Variants in KCNQ4 observed in about 807,000 individuals in gnomAD.
The protein encoded by KCNQ4 is potassium voltage-gated channel subfamily Q member 4.
In KCNQ4, 31 loss-of-function variants were observed where a neutral mutation model predicts 72.6. That is an observed-to-expected ratio of 0.43 (90% CI 0.32 to 0.58). The LOEUF is 0.58. KCNQ4 is among the 20% of genes least tolerant of loss of function. KCNQ4 has a pLI of 0.08. For synonymous variants in KCNQ4, 405 were observed against 403.7 expected (o/e 1.00, Z -0.04); for missense variants, 869 against 962.6 (o/e 0.90, Z 1.29).
Position 40,785,000 on chromosome 1 carries a change from G to A in KCNQ4, c.314+593G>A, listed in dbSNP as rs757012398. 6.6e-6 allele frequency among the ~76,000 whole-genome samples: 1 copy of A among 152,144 alleles called. No homozygotes were observed. Among genetic ancestry groups the A allele is most frequent in the African/African-American group, 2.4e-5 (1 of 41,434 alleles). On this transcript the variant is annotated intron_variant, in intron 1 of 13. Transcript: ENST00000347132. The surrounding 1 kb of genome is among the most constrained non-coding windows in gnomAD (Gnocchi z 4.1). ...TGTGTCCGACTTGATCTGTGTCTTC[G>A]CTCAGTCTTCCCCTCCACCCTCAAC...
chr1:40,826,163 T>G (rs1201055114), intron 9 of KCNQ4, among the ~76,000 whole-genome samples: 1 of 152,170 alleles, frequency 6.6e-6, no homozygotes, highest in African/African-American at 2.4e-5. Flanking sequence ...ATATACACAC[T>G]CGGTTGGCCA....
At chr1:40,823,937 G>C (rs1444283883) in intron 8 of KCNQ4, among the ~76,000 whole-genome samples, 160 bp from the exon 9 acceptor site, 1 of 152,216 alleles carries the variant, frequency 6.6e-6, no homozygotes, top group Non-Finnish European at 1.5e-5. Flanking sequence ...GGGAAGGCCA[G>C]TCTCCCACTG....
intron 1 of KCNQ4, among the ~76,000 whole-genome samples, chr1:40,802,243 A>C (rs1427436012): frequency 6.6e-6 from 1 of 152,068 alleles, no homozygotes; most frequent in Non-Finnish European, 1.5e-5. Flanking sequence ...TGTGAGGTGG[A>C]AGGGCGAGGC....
intron 7 of KCNQ4, among the ~76,000 whole-genome samples, chr1:40,820,690 A>G (rs1285432874): frequency 6.6e-6 from 1 of 152,230 alleles, no homozygotes; most frequent in Non-Finnish European, 1.5e-5. Context: ...AGGATGGTGC[A>G]GACAGGGCTT....
intron 1 of KCNQ4, among the ~76,000 whole-genome samples, chr1:40,808,016 C>G (rs982020026): frequency 6.7e-6 from 1 of 149,574 alleles, no homozygotes; most frequent in African/African-American, 2.6e-5. Context: ...CTGAGGCAGG[C>G]AGATTTCTTG....
intron 9 of KCNQ4, among the ~76,000 whole-genome samples, chr1:40,828,800 A>C (rs917394547): frequency 1.3e-5 from 2 of 152,182 alleles, no homozygotes; most frequent in Non-Finnish European, 2.9e-5. Flanking sequence ...GACTTAGAGG[A>C]GCTGATATGA....
chr1:40,824,699 C>T (rs1261646581), intron 9 of KCNQ4, among the ~76,000 whole-genome samples: 2 of 152,194 alleles, frequency 1.3e-5, no homozygotes, highest in Admixed American at 6.5e-5. Flanking sequence ...AACCCCCTCC[C>T]CCGGCATGTT....
chr1:40,835,164 C>T (rs2148332717), intron 12 of KCNQ4, 66 bp downstream of exon 12: 1 of 1,576,240 alleles, frequency 6.3e-7, no homozygotes, highest in African/African-American at 1.3e-5. Context: ...TGAATGAAGT[C>T]TGAGGCCAAC....
In KCNQ4 at chr1:40,817,307, C is replaced by T; in HGVS notation, c.357C>T (p.Ser119=). The T allele has an allele frequency of 1.2e-6, 2 of 1,614,070 alleles. No homozygotes were observed. The change falls in exon 2 of 14, where the codon TCC becomes TCT. Residue 119 remains serine, a synonymous_variant. Coordinates refer to ENST00000347132, the MANE Select transcript of KCNQ4 (RefSeq NM_004700.4). This position sits in a 1 kb window ranked among gnomAD's most constrained non-coding sequence, Gnocchi z 5.5. ...VFSCLVLSVL[S]TIQEHQELAN... is the part of the protein sequence containing the mutation. ...GCTGCCTGGTGCTGTCTGTGCTGTC[C>T]ACTATCCAGGAGCACCAGGAACTTG...
intron 9 of KCNQ4, among the ~76,000 whole-genome samples, chr1:40,830,070 G>C (rs114855164): frequency 6.6e-6 from 1 of 152,156 alleles, no homozygotes; most frequent in Non-Finnish European, 1.5e-5. Flanking sequence ...GCACGTACAC[G>C]TTCACATGCA....
chr1:40,806,645 TAAAG>T (rs1020081876), intron 1 of KCNQ4, among the ~76,000 whole-genome samples: 1 of 152,052 alleles, frequency 6.6e-6, no homozygotes, highest in African/African-American at 2.4e-5. Flanking sequence ...ACATTTGGGA[TAAAG>T]AAAAAGAAAA....
chr1:40,802,913 A>G (rs1455262397), intron 1 of KCNQ4, among the ~76,000 whole-genome samples: 1 of 152,222 alleles, frequency 6.6e-6, no homozygotes, highest in African/African-American at 2.4e-5. Flanking sequence ...GCCAAGGCAG[A>G]GCAGAGCTGA....
At chr1:40,812,025 CT>C (rs1219922758) in intron 1 of KCNQ4, among the ~76,000 whole-genome samples, 1 of 152,202 alleles carries the variant, frequency 6.6e-6, no homozygotes, top group African/African-American at 2.4e-5. Context: ...GCTCCTTCAC[CT>C]TGTCTCCTCT....
In KCNQ4 at chr1:40,835,102, G is replaced by A. The variant is rs977526969; in HGVS notation, c.1745+4G>A. 2.5e-6 allele frequency: 4 copies of A among 1,612,726 alleles called. No individual in the cohort carries two copies. The highest frequency in any genetic ancestry group is 1.7e-5 in the Admixed American group (1 of 59,976). ...GGATCAAGAGCCTGCAAACTCGGTG[G>A]GTGCACCGGGCCTGTTGGGAGGCAG... On this transcript the variant is annotated splice_donor_region_variant and intron_variant, in intron 12 of 13. Transcript: ENST00000347132.
intron 12 of KCNQ4, among the ~76,000 whole-genome samples, chr1:40,836,486 A>G (rs1030270282): frequency 6.6e-6 from 1 of 152,196 alleles, no homozygotes; most frequent in African/African-American, 2.4e-5. Flanking sequence ...GCAGAAGTAC[A>G]GGATGGAGAT....
chr1:40,787,633 C>A (rs947866205), intron 1 of KCNQ4, among the ~76,000 whole-genome samples: 5 of 152,150 alleles, frequency 3.3e-5, no homozygotes, highest in East Asian at 1.9e-4. Flanking sequence ...AATGAGGGGC[C>A]ACTGAGCCCC....
intron 1 of KCNQ4, among the ~76,000 whole-genome samples, chr1:40,796,870 A>T (rs1484088353): frequency 6.6e-6 from 1 of 152,100 alleles, no homozygotes; most frequent in Admixed American, 6.5e-5. Flanking sequence ...GTGAGCCGAG[A>T]TCGTGCCACT....
chr1:40,802,510 GCCCCGCCCACCATT>G (rs1166607611), intron 1 of KCNQ4, among the ~76,000 whole-genome samples: 1 of 152,064 alleles, frequency 6.6e-6, no homozygotes, highest in Non-Finnish European at 1.5e-5. Flanking sequence ...GGACGCAAGA[GCCCCGCCCACCATT>G]CCCCGCCCCC....
rs1570858975 is a variant in KCNQ4, at chr1:40,838,646, C to T, written c.*123C>T. On this transcript the variant is annotated 3_prime_UTR_variant, in exon 14 of 14. Coordinates refer to ENST00000347132, the MANE Select transcript of KCNQ4 (RefSeq NM_004700.4). ...CTCCCTCACGGGGAGAGAGACCACACGCAGTATTGAGCTGCCTGAGTGGGC... is the reference window on the plus strand; with the variant it reads ...CTCCCTCACGGGGAGAGAGACCACATGCAGTATTGAGCTGCCTGAGTGGGC... 4 of 939,428 alleles carry T rather than the reference C, an allele frequency of 4.3e-6. No individual in the cohort carries two copies. Among genetic ancestry groups the T allele is most frequent in the Admixed American group, 2.0e-5 (1 of 51,028 alleles). 58.2% of individuals were successfully genotyped at this position (939,428 alleles called of 1,614,324 possible). A position where few individuals can be genotyped will look rare whatever the true frequency, so the allele number is the denominator to read the frequency against.
Sources: allele counts gnomAD v4.1 joint callset (sites outside exome capture counted in the v4.1 genomes callset), GRCh38; gene constraint gnomAD v4.1.1; non-coding constraint Gnocchi (gnomAD v3.1); transcripts MANE v1.5; gene names NCBI Gene and HGNC (gene_info 2026-07-23, HGNC 2026-07-21).